Variants in CNTNAP2 observed in about 807,000 individuals in gnomAD.
CNTNAP2 encodes the protein contactin-associated protein-like 2.
A neutral mutation model predicts 155.2 loss-of-function variants in CNTNAP2; 98 were observed. The observed-to-expected ratio is 0.63, with a 90% CI of 0.54 to 0.75. The LOEUF (loss-of-function observed/expected upper bound fraction) is 0.75. Ranked by LOEUF, CNTNAP2 falls within the 30% of genes least tolerant of loss-of-function variation. The pLI is 0.00. For missense variants in CNTNAP2, 1,727 were observed against 1,688.1 expected (o/e 1.02, Z -0.40); for synonymous variants, 651 against 631.2 (o/e 1.03, Z -0.47).
intron 1 of CNTNAP2, among the ~76,000 whole-genome samples, chr7:146,125,646 C>A (rs1339593438): frequency 6.7e-6 from 1 of 149,844 alleles, no homozygotes; most frequent in African/African-American, 2.5e-5. Flanking sequence ...AAAATAGTAC[C>A]GTGTCAGAGA....
intron 2 of CNTNAP2, among the ~76,000 whole-genome samples, chr7:146,801,259 A>G (rs1802872468): frequency 6.6e-6 from 1 of 152,144 alleles, no homozygotes; most frequent in Non-Finnish European, 1.5e-5. Flanking sequence ...ACTCAGTACC[A>G]AGAGGACAGC....
chr7:147,290,102 A>G (rs1299438218), intron 8 of CNTNAP2, among the ~76,000 whole-genome samples: 2 of 152,222 alleles, frequency 1.3e-5, no homozygotes, highest in African/African-American at 4.8e-5. Flanking sequence ...ATACAGGGTT[A>G]GGTTCCTGCC....
chr7:146,818,565 C>T (rs987235872), intron 2 of CNTNAP2, among the ~76,000 whole-genome samples: 1 of 152,038 alleles, frequency 6.6e-6, no homozygotes, highest in African/African-American at 2.4e-5. Flanking sequence ...GATGCGGAAT[C>T]GGACTCATCA....
intron 21 of CNTNAP2, among the ~76,000 whole-genome samples, chr7:148,275,724 A>G (rs1227002711): frequency 2.6e-5 from 4 of 152,224 alleles, no homozygotes; most frequent in Admixed American, 2.6e-4. Context: ...ACCTCATGGC[A>G]TGGTGGCTGG....
intron 21 of CNTNAP2, among the ~76,000 whole-genome samples, chr7:148,317,707 C>CT (rs1174138150): frequency 1.2e-3 from 168 of 145,506 alleles, no homozygotes; most frequent in Middle Eastern, 3.6e-3. Context: ...GAGCTCATTT[C>CT]TTTTTTTTTT....
rs184734869 is a variant in CNTNAP2 at position 148,036,904 on chromosome 7, T to A, written c.2383+58915T>A. ...CCAACTTTATGTGTTTTTTTAAATG[T>A]AAATGTGACTGATATCTAATAGCTA... On this transcript the variant is annotated intron_variant, in intron 15 of 23. Coordinates refer to ENST00000361727, the MANE Select transcript of CNTNAP2 (RefSeq NM_014141.6). Among the ~76,000 whole-genome samples the A allele has an allele frequency of 3.7e-4, 57 of 152,304 alleles. No homozygotes were observed. The East Asian group carries it at 0.01, about 27-fold the overall frequency.
At chr7:146,683,268 G>A (rs1231682944) in intron 1 of CNTNAP2, among the ~76,000 whole-genome samples, 1 of 152,094 alleles carries the variant, frequency 6.6e-6, no homozygotes, top group Non-Finnish European at 1.5e-5. Flanking sequence ...CCTGACCTCA[G>A]GTGATATGCC....
intron 12 of CNTNAP2, among the ~76,000 whole-genome samples, chr7:147,586,523 G>GAAGAGGGAGGAAGGAAGGAAGGAAGGA (rs772731379): frequency 0.027 from 1,142 of 41,754 alleles, 346 homozygotes; most frequent in African/African-American, 0.048. Flanking sequence ...AGAGAGAGAA[G>GAAGAGGGAGGAAGGAAGGAAGGAAGGA]AGGAAGGAAG....
intron 2 of CNTNAP2, among the ~76,000 whole-genome samples, chr7:146,793,396 A>G (rs914655593): frequency 2.0e-5 from 3 of 152,240 alleles, no homozygotes; most frequent in Admixed American, 1.3e-4. Context: ...CTGAGTAGCC[A>G]CAGGTATTGA....
At chr7:147,641,020 C>T (rs1258447625) in intron 13 of CNTNAP2, among the ~76,000 whole-genome samples, 2 of 152,148 alleles carry the variant, frequency 1.3e-5, no homozygotes, top group Non-Finnish European at 2.9e-5. Flanking sequence ...GGCCATGTTG[C>T]CAGGCACATG....
At chr7:147,238,300 C>T (rs1314396636) in intron 8 of CNTNAP2, among the ~76,000 whole-genome samples, 1 of 152,148 alleles carries the variant, frequency 6.6e-6, no homozygotes, top group Non-Finnish European at 1.5e-5. Context: ...CAGGCGTGAG[C>T]CACCGTGCCC....
intron 4 of CNTNAP2, among the ~76,000 whole-genome samples, chr7:147,092,506 G>A (rs1002003329): frequency 6.6e-6 from 1 of 152,128 alleles, no homozygotes; most frequent in African/African-American, 2.4e-5. Flanking sequence ...TCAACTTCAA[G>A]CTTATTTATA....
intron 15 of CNTNAP2, among the ~76,000 whole-genome samples, chr7:148,110,740 A>T (rs2116596831): frequency 6.6e-6 from 1 of 152,142 alleles, no homozygotes; most frequent in East Asian, 1.9e-4. Context: ...GGTCAGTCAC[A>T]CCCCAGCTCC....
intron 13 of CNTNAP2, among the ~76,000 whole-genome samples, chr7:147,807,862 T>G (rs1010664611): frequency 2.0e-5 from 3 of 152,154 alleles, no homozygotes; most frequent in Admixed American, 2.0e-4. Context: ...GAATAAAAGA[T>G]AGTTTGGGTT....
chr7:147,480,511 G>T (rs1528524), intron 10 of CNTNAP2, among the ~76,000 whole-genome samples: 71,042 of 152,076 alleles, frequency 0.47, 18,328 homozygotes, highest in African/African-American at 0.69. Context: ...TTTATAGTCA[G>T]TGATCACTTT....
intron 17 of CNTNAP2, among the ~76,000 whole-genome samples, chr7:148,166,483 A>G (rs932137450): frequency 2.3e-5 from 3 of 127,710 alleles, no homozygotes; most frequent in Non-Finnish European, 4.7e-5. Context: ...GAATTTGAGG[A>G]CAGTGTTTTT....
At chr7:146,216,861 T>G (rs1302059051) in intron 1 of CNTNAP2, among the ~76,000 whole-genome samples, 2 of 152,212 alleles carry the variant, frequency 1.3e-5, no homozygotes, top group Non-Finnish European at 2.9e-5. Flanking sequence ...TCATCACCTG[T>G]TTCATTGAAA....
rs78786828 is a variant in CNTNAP2, at chr7:147,123,284, C to T, written c.939+2121C>T. Among the ~76,000 whole-genome samples, 329 of 152,282 alleles carry T rather than the reference C, an allele frequency of 2.2e-3. 3 individuals carry two copies. Among genetic ancestry groups the T allele is most frequent in the African/African-American group, 7.0e-3 (293 of 41,562 alleles). Reference sequence around the variant, plus strand: ...GAATTATTCATCCTCTGTTAATAAACTTTGAAGTACCATAGAAGAGGTGAA... The same window carrying T: ...GAATTATTCATCCTCTGTTAATAAATTTTGAAGTACCATAGAAGAGGTGAA... On this transcript the variant is annotated intron_variant, in intron 6 of 23. Coordinates refer to ENST00000361727, the MANE Select transcript of CNTNAP2 (RefSeq NM_014141.6).
intron 1 of CNTNAP2, among the ~76,000 whole-genome samples, chr7:146,671,176 G>T (rs1254656436): frequency 6.6e-6 from 1 of 152,094 alleles, no homozygotes; most frequent in Non-Finnish European, 1.5e-5. Context: ...TAACTGATTA[G>T]TATCCTCTTT....
Sources: gnomAD v4.1 joint callset for allele counts (sites outside exome capture counted in the v4.1 genomes callset) on GRCh38, gnomAD v4.1.1 for gene constraint, MANE v1.5 for transcripts, NCBI Gene and HGNC (gene_info 2026-07-23, HGNC 2026-07-21) for gene names.